The following RPSA2 variants were observed in gnomAD, a reference collection of about 807,000 sequenced individuals.
The protein encoded by RPSA2 is ribosomal protein SA 2.
chr19:23,802,257 CA>C, the RPSA2 span, among the ~76,000 whole-genome samples: 1 of 152,144 alleles, frequency 6.6e-6, no homozygotes, highest in Non-Finnish European at 1.5e-5. Flanking sequence ...AGTGAGAGAT[CA>C]AGGCCACAAA....
the RPSA2 span, among the ~76,000 whole-genome samples, chr19:23,860,163 T>C: frequency 6.6e-6 from 1 of 152,200 alleles, no homozygotes; most frequent in Non-Finnish European, 1.5e-5. Context: ...GCAAAACATT[T>C]GATGGCTCAT....
the RPSA2 span, among the ~76,000 whole-genome samples, chr19:23,842,961 C>A: frequency 2.7e-4 from 41 of 152,008 alleles, no homozygotes; most frequent in Non-Finnish European, 4.4e-4. Context: ...ATCCAATATC[C>A]AGCACCAATT....
the RPSA2 span, among the ~76,000 whole-genome samples, chr19:23,804,167 A>G: frequency 6.6e-6 from 1 of 152,310 alleles, no homozygotes; most frequent in East Asian, 1.9e-4. Context: ...TTCTCTGTAA[A>G]CTTTAAAGAG....
chr19:23,851,426 A>G, the RPSA2 span, among the ~76,000 whole-genome samples: 1 of 152,192 alleles, frequency 6.6e-6, no homozygotes, highest in African/African-American at 2.4e-5. Flanking sequence ...ACCAGCAGCC[A>G]TGGGTCCTGG....
chr19:23,832,361 G>T, the RPSA2 span: 1 of 484,248 alleles, frequency 2.1e-6, no homozygotes, highest in Non-Finnish European at 4.2e-6. Flanking sequence ...ACTGAACATA[G>T]GAGAGTCCAT....
At chr19:23,813,802 A>C in the RPSA2 span, among the ~76,000 whole-genome samples, 1 of 145,186 alleles carries the variant, frequency 6.9e-6, no homozygotes, top group African/African-American at 2.6e-5. Context: ...AGCTCACTGC[A>C]ACCTCTGCCT....
At chr19:23,758,742 C>A in the RPSA2 span, 1 of 1,614,246 alleles carries the variant, frequency 6.2e-7, no homozygotes, top group Non-Finnish European at 8.5e-7. Context: ...ACCCGACATT[C>A]TCACCATTTC....
the RPSA2 span, among the ~76,000 whole-genome samples, chr19:23,846,980 C>T: frequency 3.7e-4 from 56 of 152,116 alleles, no homozygotes; most frequent in Middle Eastern, 0.01. Context: ...TTTTTTATTC[C>T]TCAGAAACTG....
chr19:23,777,125 G>T, the RPSA2 span, among the ~76,000 whole-genome samples: 2 of 152,072 alleles, frequency 1.3e-5, no homozygotes, highest in African/African-American at 4.8e-5. Context: ...TTATCCTTCA[G>T]TTATTTTCAC....
the RPSA2 span, among the ~76,000 whole-genome samples, chr19:23,863,562 C>G: frequency 7.8e-5 from 2 of 25,804 alleles, 1 homozygote; most frequent in South Asian, 4.3e-3. Context: ...GAGATTCCAA[C>G]TCAAAAAAAA....
chr19:23,865,892 G>T, the RPSA2 span, among the ~76,000 whole-genome samples: 1 of 152,206 alleles, frequency 6.6e-6, no homozygotes, highest in African/African-American at 2.4e-5. Flanking sequence ...TCACTATAGG[G>T]CTGTTAGAAT....
chr19:23,859,201 C>T, the RPSA2 span, among the ~76,000 whole-genome samples: 1 of 152,102 alleles, frequency 6.6e-6, no homozygotes, highest in African/African-American at 2.4e-5. Context: ...ATTTTAAAGG[C>T]CACTGATGCA....
the RPSA2 span, among the ~76,000 whole-genome samples, chr19:23,861,824 A>G: frequency 1.3e-5 from 2 of 152,152 alleles, no homozygotes; most frequent in African/African-American, 2.4e-5. Flanking sequence ...CTGAGTTGAC[A>G]CACTTATATT....
At chr19:23,869,010 A>T in the RPSA2 span, among the ~76,000 whole-genome samples, 1 of 152,300 alleles carries the variant, frequency 6.6e-6, no homozygotes, top group South Asian at 2.1e-4. Flanking sequence ...AAAACCCCTG[A>T]TTCCATGTTC....
the RPSA2 span, among the ~76,000 whole-genome samples, chr19:23,856,517 G>A: frequency 1.4e-4 from 21 of 152,058 alleles, no homozygotes; most frequent in Non-Finnish European, 2.1e-4. Context: ...TCAGGGAGCC[G>A]AACAAGTGTT....
chr19:23,845,841 T>A, the RPSA2 span, among the ~76,000 whole-genome samples: 6 of 145,440 alleles, frequency 4.1e-5, no homozygotes, highest in African/African-American at 1.5e-4. Flanking sequence ...TCATGTTGTT[T>A]TAATTGTTTG....
the RPSA2 span, among the ~76,000 whole-genome samples, chr19:23,839,081 A>G: frequency 6.6e-6 from 1 of 152,092 alleles, no homozygotes; most frequent in African/African-American, 2.4e-5. Context: ...TAGGGCTATG[A>G]ACTTTCCTGT....
the RPSA2 span, among the ~76,000 whole-genome samples, chr19:23,863,879 CACACCATCTGCTCTCCAGTGCAGAACAG>C: frequency 6.6e-6 from 1 of 152,184 alleles, no homozygotes; most frequent in African/African-American, 2.4e-5. Flanking sequence ...CACATGACCA[CACACCATCTGCTCTCCAGTGCAGAACAG>C]AATAACAGAG....
At chr19:23,852,593 C>A in the RPSA2 span, among the ~76,000 whole-genome samples, 2 of 145,904 alleles carry the variant, frequency 1.4e-5, no homozygotes, top group Non-Finnish European at 3.0e-5. Context: ...TTTTTGTTTG[C>A]GGCTTAAGAA....
Sources: gnomAD v4.1 joint callset for allele counts (sites outside exome capture counted in the v4.1 genomes callset) on GRCh38, gnomAD v4.1.1 for gene constraint, MANE v1.5 for transcripts, NCBI Gene and HGNC (gene_info 2026-07-23, HGNC 2026-07-21) for gene names.